The following AKR1C2 variants were observed in gnomAD, a reference collection of about 807,000 sequenced individuals.
AKR1C2 encodes the protein aldo-keto reductase family 1 member C2.
In AKR1C2, 27 loss-of-function variants were observed where a neutral mutation model predicts 39.8. That is an observed-to-expected ratio of 0.68 (90% confidence interval 0.50 to 0.93). The LOEUF (loss-of-function observed/expected upper bound fraction) is 0.93. Among genes scored for constraint, AKR1C2 ranks in the 40% least tolerant of loss-of-function variants. The probability of loss-of-function intolerance (pLI) is 0.00; values close to 1 mark genes in which losing one functional copy is unlikely to be tolerated. For missense variants in AKR1C2, 263 were observed against 365.1 expected, an observed-to-expected ratio of 0.72 and a Z score of 2.28; for synonymous variants, 114 against 137.9, an observed-to-expected ratio of 0.83 and a Z score of 1.22.
At chr10:4,994,105 CATGAT>C (rs1290733336) in intron 7 of AKR1C2, among the ~76,000 whole-genome samples, 1 of 151,396 alleles carries the variant, frequency 6.6e-6, no homozygotes, top group Admixed American at 6.6e-5. Flanking sequence ...TATACATATA[CATGAT>C]ATATGTCATA....
At position 5,012,028 on chromosome 10, in the gene AKR1C2, A is replaced by G. The variant is rs546636491; in HGVS notation, c.-88+5872T>C. 4.2e-3 allele frequency among the ~76,000 whole-genome samples: 638 copies of G among 152,254 alleles called. 2 individuals carry two copies. The highest frequency in any genetic ancestry group is 0.02 in the Middle Eastern group (6 of 294). On this transcript the variant is annotated intron_variant, in intron 1 of 6. Transcript: ENST00000604507. ...GCTGGAGTTCTCTGCATGTACAGCGAAAAAAGATATTCACAAATCCTGGGA... is the reference window on the plus strand; with the variant it reads ...GCTGGAGTTCTCTGCATGTACAGCGGAAAAAGATATTCACAAATCCTGGGA...
At chr10:5,001,124 G>GT (rs1217458073) in intron 2 of AKR1C2, among the ~76,000 whole-genome samples, 1 of 152,134 alleles carries the variant, frequency 6.6e-6, no homozygotes, top group Non-Finnish European at 1.5e-5. Flanking sequence ...TACTCACTGA[G>GT]CTCTCTTATA....
rs373386344 is a variant in AKR1C2, at chr10:5,000,264, A to C, written c.369+286T>G. 660 of 1,459,958 alleles carry C rather than the reference A, an allele frequency of 4.5e-4. 1 individual carries two copies. Among genetic ancestry groups the C allele is most frequent in the East Asian group, 3.4e-3 (138 of 40,336 alleles). 90.4% of individuals were successfully genotyped at this position (1,459,958 alleles called of 1,614,324 possible). A position where few individuals can be genotyped will look rare whatever the true frequency, so the allele number is the denominator to read the frequency against. ...CAAGAGGTGAAATCAGGAATCATAA[A>C]TAAGACCTTGTGCCTTCAAGGAGAT... On this transcript the variant is annotated intron_variant, in intron 3 of 8. Coordinates refer to ENST00000380753, the MANE Select transcript of AKR1C2 (RefSeq NM_001393392.1).
At chr10:5,015,002 T>G (rs1271445917) in intron 1 of AKR1C2, 2 of 152,108 alleles carry the variant, frequency 1.3e-5, no homozygotes, top group Admixed American at 6.6e-5. Flanking sequence ...TCCAAGAGAG[T>G]CACTATAGCC....
At chr10:5,005,486 T>C (rs1183498951), upstream of AKR1C2, among the ~76,000 whole-genome samples, 13 of 151,094 alleles carry the variant, frequency 8.6e-5, no homozygotes, top group Non-Finnish European at 1.6e-4. Flanking sequence ...ATGGAAACCA[T>C]CCTGGCCAAC....
At chr10:4,998,317 T>G (rs1837131777) in intron 5 of AKR1C2, among the ~76,000 whole-genome samples, 1 of 152,184 alleles carries the variant, frequency 6.6e-6, no homozygotes, top group African/African-American at 2.4e-5. Flanking sequence ...CACTCTCTGG[T>G]CATCTTTCGT....
intron 7 of AKR1C2, among the ~76,000 whole-genome samples, chr10:4,992,585 T>C (rs1267505381): frequency 2.6e-5 from 4 of 152,232 alleles, no homozygotes; most frequent in African/African-American, 4.8e-5. Flanking sequence ...ATTTGTTGCA[T>C]TATTCTTTTA....
At chr10:5,006,301 T>C (rs1837400922), upstream of AKR1C2, among the ~76,000 whole-genome samples, 1 of 152,214 alleles carries the variant, frequency 6.6e-6, no homozygotes, top group African/African-American at 2.4e-5. Context: ...GACCTATATG[T>C]GTTATCATCC....
intron 1 of AKR1C2, chr10:5,013,244 TATTTA>T (rs1336112563): frequency 4.0e-5 from 6 of 151,860 alleles, no homozygotes; most frequent in African/African-American, 1.4e-4. Flanking sequence ...TAAATTACAT[TATTTA>T]ATTCTAATTC....
At chr10:4,995,551 C>T in intron 6 of AKR1C2, 67 bp from the exon 7 acceptor site, 2 of 1,583,738 alleles carry the variant, frequency 1.3e-6, no homozygotes, top group African/African-American at 1.4e-5. Context: ...GCTCCCTAAA[C>T]AGACTAAGGC....
At chr10:4,997,752 A>C (rs1326700350) in intron 5 of AKR1C2, among the ~76,000 whole-genome samples, 3 of 152,204 alleles carry the variant, frequency 2.0e-5, no homozygotes, top group Non-Finnish European at 4.4e-5. Context: ...AAATTATAAC[A>C]AAATTATAAC....
At chr10:5,017,656 T>G (rs1490317390) in intron 1 of AKR1C2, among the ~76,000 whole-genome samples, 2 of 152,194 alleles carry the variant, frequency 1.3e-5, no homozygotes, top group Non-Finnish European at 1.5e-5. Context: ...CATCTTCTTC[T>G]GAGCCCTCTA....
At chr10:5,003,506 C>T (rs1588306894) in intron 1 of AKR1C2, among the ~76,000 whole-genome samples, 1 of 151,300 alleles carries the variant, frequency 6.6e-6, no homozygotes, top group South Asian at 2.2e-4. Flanking sequence ...AGGGAGCAGG[C>T]AAGCCGTGTT....
intron 4 of AKR1C2, 123 bp from the exon 5 acceptor site, chr10:4,998,870 C>T: frequency 6.8e-7 from 1 of 1,463,084 alleles, no homozygotes. Flanking sequence ...AGCCGTGGTT[C>T]TTAAAAGGGA....
chr10:4,998,560 A>G (rs1554773406), intron 5 of AKR1C2, 65 bp downstream of exon 5: 1 of 1,597,540 alleles, frequency 6.3e-7, no homozygotes, highest in Admixed American at 1.7e-5. Flanking sequence ...ATGAATGGAT[A>G]CTTGGCAATA....
rs1836743550 is a variant in AKR1C2 at position 4,988,789 on chromosome 10, A to C, written c.*1207T>G. The C allele has an allele frequency of 6.6e-6, 1 of 151,206 alleles. No individual in the cohort carries two copies. The highest frequency in any genetic ancestry group is 1.5e-5 in the Non-Finnish European group (1 of 67,726). The allele number at this position is 151,206 out of a possible 1,614,324, so 9.4% of individuals were successfully genotyped here. ...ACATGAGATTATCCCAAGTTTTCAA[A>C]AGTGTTTTCTAAAACGAAAATCATG... On this transcript the variant is annotated 3_prime_UTR_variant, in exon 9 of 9. Transcript: ENST00000380753.
intron 3 of AKR1C2, chr10:5,000,128 A>T: frequency 5.6e-6 from 7 of 1,252,838 alleles, no homozygotes; most frequent in Non-Finnish European, 7.0e-6. Context: ...TCCCGGACTG[A>T]GTTCTTGCCC....
intron 5 of AKR1C2, 107 bp downstream of exon 5, chr10:4,998,518 A>G: frequency 6.5e-7 from 1 of 1,544,172 alleles, no homozygotes; most frequent in East Asian, 2.3e-5. Context: ...GTTCTCTAGA[A>G]TCTTCTCTTT....
At chr10:4,997,901 A>G (rs1227685004) in intron 5 of AKR1C2, among the ~76,000 whole-genome samples, 1 of 152,188 alleles carries the variant, frequency 6.6e-6, no homozygotes. Flanking sequence ...TCTCTAGGCT[A>G]TGAAAGAACC....
Sources: allele counts gnomAD v4.1 joint callset (sites outside exome capture counted in the v4.1 genomes callset), GRCh38; gene constraint gnomAD v4.1.1; transcripts MANE v1.5; gene names NCBI Gene and HGNC (gene_info 2026-07-23, HGNC 2026-07-21).